INSR: variants seen among roughly 807,000 people sequenced by gnomAD.
INSR encodes the protein insulin receptor.
INSR carries 67 observed loss-of-function variants against 142.6 expected under a neutral mutation model. The observed-to-expected ratio is 0.47, with a 90% CI of 0.39 to 0.58. The LOEUF (loss-of-function observed/expected upper bound fraction) is 0.58. Among genes scored for constraint, INSR ranks in the 20% least tolerant of loss-of-function variants. INSR has a pLI of 0.00. For synonymous variants in INSR, 756 were observed against 743.1 expected (o/e 1.02, Z -0.28); for missense variants, 1,248 against 1,833.2 (o/e 0.68, Z 5.83).
At chr19:7,123,042 C>A in intron 17 of INSR, 53 bp from the exon 18 acceptor site, 1 of 1,314,816 alleles carries the variant, frequency 7.6e-7, no homozygotes, top group Non-Finnish European at 1.1e-6. Flanking sequence ...TTCGACTCAC[C>A]AGGGTTCTCC....
At chr19:7,293,620 AAGGTCAG>A (rs1456023694) in intron 1 of INSR, among the ~76,000 whole-genome samples, 165 bp downstream of exon 1, 1 of 152,108 alleles carries the variant, frequency 6.6e-6, no homozygotes, top group East Asian at 1.9e-4. Context: ...GGCAAAGGCC[AAGGTCAG>A]AGGCTTCCCG....
intron 4 of INSR, among the ~76,000 whole-genome samples, chr19:7,172,798 C>T (rs754798141): frequency 2.7e-5 from 4 of 150,424 alleles, no homozygotes; most frequent in Non-Finnish European, 5.9e-5. Context: ...CTTGGGAGGG[C>T]GAGGCAGGTG....
At chr19:7,266,430 G>C (rs1244140613) in intron 2 of INSR, among the ~76,000 whole-genome samples, 2 of 149,028 alleles carry the variant, frequency 1.3e-5, no homozygotes, top group Non-Finnish European at 3.0e-5. Flanking sequence ...TGGTTGCCCA[G>C]GGTGGAGTGC....
intron 3 of INSR, among the ~76,000 whole-genome samples, chr19:7,183,639 A>G (rs925312484): frequency 6.6e-6 from 1 of 152,112 alleles, no homozygotes; most frequent in Non-Finnish European, 1.5e-5. Context: ...TATATCCTTT[A>G]TGTGACAATG....
In INSR at chr19:7,225,723, A is replaced by T. The variant is rs76243104; in HGVS notation, c.653-41086T>A. 1.7e-4 allele frequency among the ~76,000 whole-genome samples: 26 copies of T among 150,076 alleles called. No homozygotes were observed. In the East Asian group the frequency reaches 4.8e-3, roughly 28 times the overall value. ...TTCCCCCCCCTCAAAAAAAGAGCAG[A>T]GAATAATTGCAGAGTGCCCCTCACC... is the stretch of plus-strand genomic sequence containing the variant. On this transcript the variant is annotated intron_variant, in intron 2 of 21. Coordinates refer to ENST00000302850, the MANE Select transcript of INSR (RefSeq NM_000208.4). The surrounding 1 kb of genome is among the most constrained non-coding windows in gnomAD (Gnocchi z 4.7).
intron 2 of INSR, among the ~76,000 whole-genome samples, chr19:7,207,218 C>A (rs981675258): frequency 4.6e-5 from 7 of 151,956 alleles, no homozygotes; most frequent in African/African-American, 1.7e-4. Flanking sequence ...GAGTTCGAGA[C>A]CAGCCTGGCC....
intron 2 of INSR, among the ~76,000 whole-genome samples, chr19:7,197,838 G>GAA (rs1555750098): frequency 1.0e-5 from 1 of 100,424 alleles, no homozygotes. Flanking sequence ...GAGAGAACGA[G>GAA]AGAGAGAGAG....
Position 7,149,389 on chromosome 19 carries a change from C to T in INSR, c.2267+1108G>A, listed in dbSNP as rs75311288. The stretch of plus-strand genomic sequence containing the variant: ...AGAAAATCTCTCCAAGTGGTCCCAA[C>T]TTGCCTCTTTAGTCTCACCTCCTGT... On this transcript the variant is annotated intron_variant, in intron 11 of 21. Transcript: ENST00000302850. Among the ~76,000 whole-genome samples the T allele has an allele frequency of 7.1e-3, 1,082 of 152,358 alleles. 9 individuals carry two copies. Among genetic ancestry groups the T allele is most frequent in the African/African-American group, 0.024 (1,000 of 41,592 alleles).
chr19:7,201,728 T>C (rs924898215), intron 2 of INSR, among the ~76,000 whole-genome samples: 3 of 142,064 alleles, frequency 2.1e-5, no homozygotes, highest in Non-Finnish European at 3.0e-5. Flanking sequence ...AGTGGCGCGA[T>C]CTCGGCTCAC....
chr19:7,254,530 A>AAAAC (rs1206642570), intron 2 of INSR, among the ~76,000 whole-genome samples: 4 of 152,124 alleles, frequency 2.6e-5, no homozygotes, highest in Non-Finnish European at 4.4e-5. Context: ...CCCCATCTCA[A>AAAAC]AAACAAACAA....
chr19:7,283,809 G>C (rs1968271676), intron 1 of INSR, among the ~76,000 whole-genome samples: 2 of 152,232 alleles, frequency 1.3e-5, no homozygotes, highest in African/African-American at 4.8e-5. Flanking sequence ...CCTGAATGTT[G>C]AACTAGTGAA....
intron 2 of INSR, among the ~76,000 whole-genome samples, chr19:7,241,842 C>T (rs1976356245): frequency 8.1e-6 from 1 of 123,420 alleles, no homozygotes; most frequent in Non-Finnish European, 1.7e-5. Context: ...GGCTGAGAAA[C>T]CCTGCCTAAA....
At chr19:7,240,533 C>T (rs1976308086) in intron 2 of INSR, among the ~76,000 whole-genome samples, 1 of 152,186 alleles carries the variant, frequency 6.6e-6, no homozygotes, top group Admixed American at 6.6e-5. Flanking sequence ...TGCGCCATTG[C>T]ACTCCAGCCA....
intron 2 of INSR, among the ~76,000 whole-genome samples, chr19:7,185,818 G>A: frequency 1.0e-5 from 1 of 98,820 alleles, no homozygotes; most frequent in East Asian, 2.9e-4. Flanking sequence ...ACTCCAGCCT[G>A]GGCAACAAGT....
intron 2 of INSR, among the ~76,000 whole-genome samples, chr19:7,255,884 T>C (rs10424782): frequency 0.59 from 89,043 of 151,666 alleles, 26,585 homozygotes; most frequent in African/African-American, 0.66. Flanking sequence ...CAACCTCATC[T>C]TCTTTCTTTG....
chr19:7,163,800 A>G (rs1047811728), intron 8 of INSR, among the ~76,000 whole-genome samples: 4 of 151,434 alleles, frequency 2.6e-5, no homozygotes, highest in African/African-American at 9.7e-5. Context: ...ATTCGAGGCC[A>G]GGCACAGTGG....
chr19:7,218,522 GTT>G (rs1975505367), intron 2 of INSR, among the ~76,000 whole-genome samples: 1 of 151,400 alleles, frequency 6.6e-6, no homozygotes, highest in Non-Finnish European at 1.5e-5. Flanking sequence ...TGTTTGTTTT[GTT>G]GTTTTTTTCT....
chr19:7,184,663 GAAATAAATAAAT>G lies in INSR; in HGVS notation c.653-38_653-27del, dbSNP rs57380348. On this transcript the variant is annotated intron_variant, in intron 2 of 21. Transcript: ENST00000302850. ...CTGGAGAGAGAGAGAGAGAGAGAGG[GAAATAAATAAAT>G]AAATAAATAAATAAATAAATAAATA... 6.0e-3 allele frequency: 5,801 copies of G among 962,136 alleles called. 306 individuals are homozygous for G. The highest frequency in any genetic ancestry group is 0.056 in the African/African-American group (3,011 of 53,984). The allele number at this position is 962,136 out of a possible 1,614,324, so 59.6% of individuals were successfully genotyped here.
At chr19:7,255,821 C>T (rs1976872042) in intron 2 of INSR, among the ~76,000 whole-genome samples, 1 of 152,020 alleles carries the variant, frequency 6.6e-6, no homozygotes, top group African/African-American at 2.4e-5. Context: ...TCAAGTGATC[C>T]TCCTGCCTCG....
Sources: allele counts gnomAD v4.1 joint callset (sites outside exome capture counted in the v4.1 genomes callset), GRCh38; gene constraint gnomAD v4.1.1; non-coding constraint Gnocchi (gnomAD v3.1); transcripts MANE v1.5; gene names NCBI Gene and HGNC (gene_info 2026-07-23, HGNC 2026-07-21).